Variants in XPR1 observed in about 807,000 individuals in gnomAD.
XPR1 encodes the protein solute carrier family 53 member 1.
Under a neutral mutation model 87.5 loss-of-function variants are expected in XPR1, and 28 were observed. The ratio of observed to expected loss-of-function variants is 0.32; its 90% CI spans 0.24 to 0.44. The LOEUF (loss-of-function observed/expected upper bound fraction) is 0.44. Ranked by LOEUF, XPR1 falls within the 20% of genes least tolerant of loss-of-function variation. The probability of loss-of-function intolerance (pLI) is 1.00; values close to 1 mark genes in which losing one functional copy is unlikely to be tolerated. For synonymous variants in XPR1, 300 were observed against 306.1 expected (o/e 0.98, Z 0.21); for missense variants, 559 against 862.3 (o/e 0.65, Z 4.41).
intron 3 of XPR1, among the ~76,000 whole-genome samples, chr1:180,800,494 A>C (rs972600087): frequency 6.6e-6 from 1 of 152,214 alleles, no homozygotes; most frequent in African/African-American, 2.4e-5. Context: ...AGTGAGCTTG[A>C]ATGTGAGCTT....
In XPR1 at chr1:180,709,158, C is replaced by A. The variant is rs1053775829; in HGVS notation, c.121+26747C>A. ...AACTCCTGACCTCAGGTGATCCACC[C>A]GCCTCGGCCTCCCAAAGTGCTGGGA... On this transcript the variant is annotated intron_variant, in intron 2 of 14. Coordinates refer to ENST00000367590, the MANE Select transcript of XPR1 (RefSeq NM_004736.4). Among the ~76,000 whole-genome samples, 10 of 152,220 alleles carry A rather than the reference C, an allele frequency of 6.6e-5. No individual in the cohort carries two copies. In the South Asian group the frequency reaches 1.9e-3, roughly 28 times the overall value.
chr1:180,808,737 A>C (rs1246158483), intron 6 of XPR1, among the ~76,000 whole-genome samples: 1 of 152,206 alleles, frequency 6.6e-6, no homozygotes, highest in Admixed American at 6.5e-5. Flanking sequence ...AATTAAAACC[A>C]CGGTAAGATA....
intron 1 of XPR1, among the ~76,000 whole-genome samples, chr1:180,663,673 G>C (rs565469202): frequency 6.6e-6 from 1 of 152,116 alleles, no homozygotes; most frequent in Admixed American, 6.5e-5. Context: ...CAAGGACCTA[G>C]GGCTCTATAT....
Position 180,863,733 on chromosome 1 carries a change from G to A in XPR1, c.1527G>A (p.Val509=), listed in dbSNP as rs1173792523. 8 of 1,596,278 alleles carry A rather than the reference G, an allele frequency of 5.0e-6. No individual in the cohort carries two copies. Among genetic ancestry groups the A allele is most frequent in the African/African-American group, 4.0e-5 (3 of 74,170 alleles). ...AACGAGGTCACTCGGACACTATGGTGTTCTTTTACCTGTGGATTGTCTTTT... is the reference window on the plus strand; with the variant it reads ...AACGAGGTCACTCGGACACTATGGTATTCTTTTACCTGTGGATTGTCTTTT... ...HKERGHSDTM[V]FFYLWIVFYI... is the part of the protein sequence containing the mutation. The change falls in exon 12 of 15, where the codon GTG becomes GTA. Residue 509 remains valine, a synonymous_variant. Transcript: ENST00000367590.
Position 180,687,689 on chromosome 1 carries a change from C to A in XPR1, c.121+5278C>A, listed in dbSNP as rs947741254. 3.3e-5 allele frequency among the ~76,000 whole-genome samples: 5 copies of A among 152,032 alleles called. No homozygotes were observed. In the East Asian group the frequency reaches 9.7e-4, roughly 29 times the overall value. On this transcript the variant is annotated intron_variant, in intron 2 of 14. Coordinates refer to ENST00000367590, the MANE Select transcript of XPR1 (RefSeq NM_004736.4). Reference sequence around the variant, plus strand: ...ATTCAAATTCCTAGTTGTTTTGTTTCGTCCTTTGAGAGTGAATTTCATGAA... The same window carrying A: ...ATTCAAATTCCTAGTTGTTTTGTTTAGTCCTTTGAGAGTGAATTTCATGAA...
At chr1:180,640,464 C>G (rs1297074218) in intron 1 of XPR1, among the ~76,000 whole-genome samples, 1 of 152,098 alleles carries the variant, frequency 6.6e-6, no homozygotes, top group Non-Finnish European at 1.5e-5. Flanking sequence ...TTGTAAGAGC[C>G]CATGCTCTTA....
intron 11 of XPR1, among the ~76,000 whole-genome samples, chr1:180,851,711 T>C (rs557467843): frequency 6.6e-6 from 1 of 151,970 alleles, no homozygotes; most frequent in Non-Finnish European, 1.5e-5. Flanking sequence ...AAGAAAGATA[T>C]TGGAAGAGGT....
chr1:180,788,318 C>T (rs1649255977), intron 3 of XPR1, among the ~76,000 whole-genome samples: 1 of 152,180 alleles, frequency 6.6e-6, no homozygotes, highest in Non-Finnish European at 1.5e-5. Context: ...AATATTGGAA[C>T]TTATATATAT....
intron 12 of XPR1, among the ~76,000 whole-genome samples, 178 bp downstream of exon 12, chr1:180,864,052 G>C (rs893761682): frequency 6.6e-6 from 1 of 151,996 alleles, no homozygotes. Flanking sequence ...CTATATGCTA[G>C]GTACTATAGG....
chr1:180,757,895 A>T (rs938609659), intron 2 of XPR1, among the ~76,000 whole-genome samples: 6 of 148,996 alleles, frequency 4.0e-5, no homozygotes, highest in Middle Eastern at 3.2e-3. Context: ...AAAAAAAAAA[A>T]AGCCTGTACA....
intron 2 of XPR1, among the ~76,000 whole-genome samples, chr1:180,751,068 A>T (rs907294806): frequency 6.6e-6 from 1 of 152,014 alleles, no homozygotes; most frequent in Admixed American, 6.6e-5. Flanking sequence ...ATTTATTGCT[A>T]GTTTATAGAA....
At chr1:180,663,572 G>GACC (rs1383650689) in intron 1 of XPR1, among the ~76,000 whole-genome samples, 8 of 152,170 alleles carry the variant, frequency 5.3e-5, no homozygotes, top group Admixed American at 4.6e-4. Context: ...CCATCACTGG[G>GACC]ACCACACTGG....
At chr1:180,680,037 C>CA (rs546812969) in intron 1 of XPR1, among the ~76,000 whole-genome samples, 20 of 150,440 alleles carry the variant, frequency 1.3e-4, no homozygotes, top group South Asian at 6.3e-4. Context: ...ATCTTAACAG[C>CA]AAAAAAAAAT....
intron 2 of XPR1, among the ~76,000 whole-genome samples, chr1:180,766,158 T>C (rs1648275969): frequency 6.6e-6 from 1 of 152,210 alleles, no homozygotes; most frequent in South Asian, 2.1e-4. Context: ...TCTTATTTAA[T>C]ATCTGCATTT....
intron 3 of XPR1, among the ~76,000 whole-genome samples, chr1:180,797,647 T>C (rs1649636112): frequency 1.3e-5 from 2 of 152,244 alleles, no homozygotes; most frequent in African/African-American, 2.4e-5. Flanking sequence ...ACATATGATA[T>C]TCTGTTTTCT....
intron 7 of XPR1, among the ~76,000 whole-genome samples, chr1:180,813,440 A>ACC (rs1476180731): frequency 6.6e-6 from 1 of 152,194 alleles, no homozygotes; most frequent in Admixed American, 6.5e-5. Context: ...TCTTCTGAGT[A>ACC]CATATACTTA....
Position 180,886,567 on chromosome 1 carries a change from G to A in XPR1, c.*2501G>A, listed in dbSNP as rs1653018106. 1 of 152,184 alleles carries A rather than the reference G, an allele frequency of 6.6e-6. No homozygotes were observed. Among genetic ancestry groups the A allele is most frequent in the Admixed American group, 6.5e-5 (1 of 15,282 alleles). The allele number at this position is 152,184 out of a possible 1,614,324, so 9.4% of individuals were successfully genotyped here. A position where few individuals can be genotyped will look rare whatever the true frequency, so the allele number is the denominator to read the frequency against. On this transcript the variant is annotated 3_prime_UTR_variant, in exon 15 of 15. Transcript: ENST00000367590. ...ATGATAGATGTAATCCTTTTCTGAA[G>A]TGTTTGTCGGATTGGCATAGTCTAT...
intron 1 of XPR1, among the ~76,000 whole-genome samples, chr1:180,652,279 G>C (rs753804947): frequency 6.6e-6 from 1 of 151,936 alleles, no homozygotes; most frequent in Non-Finnish European, 1.5e-5. Flanking sequence ...GAGACAGAGA[G>C]CAAGACTCCA....
At position 180,836,713 on chromosome 1, in the gene XPR1, A is replaced by G; in HGVS notation, c.1498A>G (p.Lys500Glu). ...VTFAALYSTH[K>E]ERGHSDTMVF... Reference sequence around the variant, plus strand: ...GTTTGCAGCCCTTTACAGCACTCACAAAGGTATTCTGTGATTGACTCTGAA... The same window carrying G: ...GTTTGCAGCCCTTTACAGCACTCACGAAGGTATTCTGTGATTGACTCTGAA... The change falls in exon 11 of 15, where the codon AAA (lysine) becomes GAA (glutamate). Residue 500 changes from lysine to glutamate, a missense_variant. Lys to Glu is a moderately conservative substitution (Grantham distance 56, BLOSUM62 1). This residue lies in a region of XPR1 where 264 missense variants were observed against 377.2 expected (regional missense o/e 0.70). Transcript: ENST00000367590. The G allele has an allele frequency of 1.9e-6, 3 of 1,613,790 alleles. No individual in the cohort carries two copies. Among genetic ancestry groups the G allele is most frequent in the Non-Finnish European group, 2.5e-6 (3 of 1,180,026 alleles).
Sources: allele counts gnomAD v4.1 joint callset (sites outside exome capture counted in the v4.1 genomes callset), GRCh38; gene constraint gnomAD v4.1.1; regional missense constraint gnomAD v4.1.1; transcripts MANE v1.5; gene names NCBI Gene and HGNC (gene_info 2026-07-23, HGNC 2026-07-21).